ZNF33B: variants seen among roughly 807,000 people sequenced by gnomAD.
The protein encoded by ZNF33B is zinc finger protein 11b (KOX 2).
In ZNF33B, 29 loss-of-function variants were observed where a neutral mutation model predicts 45.8. The ratio of observed to expected loss-of-function variants is 0.63; its 90% confidence interval spans 0.47 to 0.86. The LOEUF (loss-of-function observed/expected upper bound fraction) is 0.86, where lower values mean the gene tolerates loss of function less well. Among genes scored for constraint, ZNF33B ranks in the 40% least tolerant of loss-of-function variants. ZNF33B has a pLI of 0.00. For synonymous variants in ZNF33B, 305 were observed against 307.8 expected (o/e 0.99, Z 0.10); for missense variants, 831 against 909.9 (o/e 0.91, Z 1.12).
At chr10:42,587,521 C>T (rs1836959451), downstream of ZNF33B, among the ~76,000 whole-genome samples, 1 of 152,140 alleles carries the variant, frequency 6.6e-6, no homozygotes, top group African/African-American at 2.4e-5. Context: ...TCTCAAAGTG[C>T]TGCGATTTGT....
intron 2 of ZNF33B, chr10:42,632,793 TGA>T: frequency 3.8e-6 from 1 of 260,888 alleles, no homozygotes; most frequent in South Asian, 5.4e-5. Flanking sequence ...AGCTCTGCTT[TGA>T]GTTTCACTGA....
At chr10:42,605,807 T>C (rs1174741600) in intron 4 of ZNF33B, among the ~76,000 whole-genome samples, 1 of 152,160 alleles carries the variant, frequency 6.6e-6, no homozygotes, top group East Asian at 1.9e-4. Flanking sequence ...TATTTAACAA[T>C]AAGGCAGGCT....
downstream of ZNF33B, among the ~76,000 whole-genome samples, chr10:42,586,239 C>T (rs1222661693): frequency 5.4e-5 from 8 of 148,422 alleles, 1 homozygote; most frequent in South Asian, 4.3e-4. Context: ...CTGCAAGCTC[C>T]GCCTCCCAGG....
At chr10:42,617,724 C>A (rs1439656093) in intron 4 of ZNF33B, among the ~76,000 whole-genome samples, 2 of 152,172 alleles carry the variant, frequency 1.3e-5, no homozygotes, top group East Asian at 1.9e-4. Flanking sequence ...GCCTTCCTAA[C>A]GCTGGCAACC....
chr10:42,591,650 G>A lies in ZNF33B; in HGVS notation c.*963C>T, dbSNP rs1292003400. 7.7e-6 allele frequency: 3 copies of A among 390,036 alleles called. No individual in the cohort carries two copies. Among genetic ancestry groups the A allele is most frequent in the Non-Finnish European group, 1.0e-5 (3 of 285,818 alleles). The allele number at this position is 390,036 out of a possible 1,614,324, so 24.2% of individuals were successfully genotyped here. ...TATATCACATACCACTTGTACATAT[G>A]TAAGTCCTATGAACTTCAGGGATAA... On this transcript the variant is annotated 3_prime_UTR_variant, in exon 5 of 5. Coordinates refer to ENST00000359467, the MANE Select transcript of ZNF33B (RefSeq NM_006955.3).
chr10:42,596,895 T>A (rs1215231667), intron 4 of ZNF33B, among the ~76,000 whole-genome samples: 1 of 152,028 alleles, frequency 6.6e-6, no homozygotes, highest in African/African-American at 2.4e-5. Flanking sequence ...CATTTCTACT[T>A]CTTTTCCACT....
intron 4 of ZNF33B, among the ~76,000 whole-genome samples, chr10:42,616,076 T>G (rs112880800): frequency 0.041 from 6,160 of 151,642 alleles, 187 homozygotes; most frequent in Non-Finnish European, 0.057. Flanking sequence ...TGTGGGGGCA[T>G]GCAACTGTAA....
intron 4 of ZNF33B, among the ~76,000 whole-genome samples, chr10:42,614,746 G>C (rs1838240591): frequency 6.6e-6 from 1 of 152,106 alleles, no homozygotes; most frequent in Non-Finnish European, 1.5e-5. Context: ...ATGAGGTCAG[G>C]AGTTCAAGAC....
intron 1 of ZNF33B, among the ~76,000 whole-genome samples, chr10:42,581,050 G>A (rs1287406600): frequency 6.6e-6 from 1 of 152,150 alleles, no homozygotes; most frequent in Non-Finnish European, 1.5e-5. Flanking sequence ...CCTACGGTCA[G>A]GGTTTTATAT....
Position 42,591,321 on chromosome 10 carries a change from T to A in ZNF33B, c.*1292A>T. 1 of 734,930 alleles carries A rather than the reference T, an allele frequency of 1.4e-6. No homozygotes were observed. The highest frequency in any genetic ancestry group is 1.7e-6 in the Non-Finnish European group (1 of 601,772). The allele number at this position is 734,930 out of a possible 1,614,324, so 45.5% of individuals were successfully genotyped here. On this transcript the variant is annotated 3_prime_UTR_variant, in exon 5 of 5. Coordinates refer to ENST00000359467, the MANE Select transcript of ZNF33B (RefSeq NM_006955.3). ...TCACTTACGCTGAAGGCTGGAGTGT[T>A]CACATATGTACCCCAGGCAGTTCAT...
At position 42,594,385 on chromosome 10, in the gene ZNF33B, C is replaced by G. The variant is rs1456413296; in HGVS notation, c.565G>C (p.Glu189Gln). The G allele has an allele frequency of 6.2e-7, 1 of 1,613,820 alleles. No homozygotes were observed. The highest frequency in any genetic ancestry group is 1.7e-5 in the Admixed American group (1 of 60,008). Reference sequence around the variant, plus strand: ...CTATTTTTCAAAACTTCATTTTTCTCTCGAGTATGAGTTTCATCATGCTTA... The same window carrying G: ...CTATTTTTCAAAACTTCATTTTTCTGTCGAGTATGAGTTTCATCATGCTTA... ...NIKHDETHTREKNEVLKNRNT... is the reference protein window; with the variant it reads ...NIKHDETHTRQKNEVLKNRNT... Residue 189 changes from glutamate (E) to glutamine (Q), a missense_variant, in exon 5 of 5, where the codon GAG becomes CAG. Glu to Gln is a conservative substitution (Grantham distance 29). Transcript: ENST00000359467.
intron 1 of ZNF33B, among the ~76,000 whole-genome samples, chr10:42,580,175 A>C (rs900232255): frequency 2.6e-5 from 4 of 152,184 alleles, no homozygotes; most frequent in Admixed American, 6.5e-5. Context: ...ATAATAGGTA[A>C]TATTGAGGAC....
At chr10:42,611,725 T>TA (rs1305742688) in intron 4 of ZNF33B, among the ~76,000 whole-genome samples, 6 of 152,304 alleles carry the variant, frequency 3.9e-5, no homozygotes, top group Non-Finnish European at 7.3e-5. Flanking sequence ...ACAGAATATG[T>TA]AAAACACTCT....
At chr10:42,587,490 T>C (rs2063142557), downstream of ZNF33B, among the ~76,000 whole-genome samples, 1 of 152,108 alleles carries the variant, frequency 6.6e-6, no homozygotes, top group South Asian at 2.1e-4. Flanking sequence ...CCTCCCAAAG[T>C]GCTGGGATTT....
intron 2 of ZNF33B, chr10:42,632,799 T>G (rs1564529167): frequency 3.9e-6 from 1 of 258,338 alleles, no homozygotes; most frequent in African/African-American, 2.3e-5. Flanking sequence ...GCTTTGAGTT[T>G]CACTGAGGAA....
intron 4 of ZNF33B, among the ~76,000 whole-genome samples, chr10:42,596,166 A>C (rs1331568744): frequency 6.6e-6 from 1 of 151,910 alleles, no homozygotes; most frequent in African/African-American, 2.4e-5. Flanking sequence ...AATATTAGAA[A>C]GTATAATCTA....
In ZNF33B at chr10:42,591,227, G is replaced by A. The variant is rs866363977; in HGVS notation, c.*1386C>T. The A allele has an allele frequency of 4.4e-6, 4 of 911,872 alleles. No individual in the cohort carries two copies. The Middle Eastern group carries it at 1.7e-3, about 383-fold the overall frequency. 56.5% of individuals were successfully genotyped at this position (911,872 alleles called of 1,614,324 possible). ...GTCCAACAGCCCTGGGCAGCAACTGGGCTGTATGTGTGGGCCTCTTTCCAG... is the reference window on the plus strand; with the variant it reads ...GTCCAACAGCCCTGGGCAGCAACTGAGCTGTATGTGTGGGCCTCTTTCCAG... On this transcript the variant is annotated 3_prime_UTR_variant, in exon 5 of 5. Transcript: ENST00000359467.
chr10:42,630,953 C>T (rs1184455336), intron 4 of ZNF33B, among the ~76,000 whole-genome samples: 7 of 152,148 alleles, frequency 4.6e-5, no homozygotes, highest in Non-Finnish European at 1.0e-4. Flanking sequence ...AACCACCAAG[C>T]ACATTCCTGT....
rs1022282017 is a variant in ZNF33B, at chr10:42,592,565, G to C, written c.*48C>G. 4 of 1,581,048 alleles carry C rather than the reference G, an allele frequency of 2.5e-6. No individual in the cohort carries two copies. In the African/African-American group the frequency reaches 5.4e-5, roughly 21 times the overall value. Reference sequence around the variant, plus strand: ...CCCTTCTCCACAGTGTGAAGACTCTGAGGCATTATGGAGGCTGACTTGTGG... The same window carrying C: ...CCCTTCTCCACAGTGTGAAGACTCTCAGGCATTATGGAGGCTGACTTGTGG... On this transcript the variant is annotated 3_prime_UTR_variant, in exon 5 of 5. Coordinates refer to ENST00000359467, the MANE Select transcript of ZNF33B (RefSeq NM_006955.3).
Sources: allele counts gnomAD v4.1 joint callset (sites outside exome capture counted in the v4.1 genomes callset), GRCh38; gene constraint gnomAD v4.1.1; transcripts MANE v1.5; gene names NCBI Gene and HGNC (gene_info 2026-07-23, HGNC 2026-07-21).